Variants in ABCC12 observed in about 807,000 individuals in gnomAD.
ABCC12 encodes ATP-binding cassette sub-family C member 12.
A neutral mutation model predicts 151.1 loss-of-function variants in ABCC12; 142 were observed. That is an observed-to-expected ratio of 0.94 (90% confidence interval 0.82 to 1.08). The LOEUF is 1.08. Among genes scored for constraint, ABCC12 ranks in the 50% least tolerant of loss-of-function variants. ABCC12 has a pLI of 0.00. For synonymous variants in ABCC12, 645 were observed against 646.4 expected (o/e 1.00, Z 0.03); for missense variants, 1,638 against 1,691.1 (o/e 0.97, Z 0.55).
chr16:48,128,211 C>A (rs1230017904), intron 11 of ABCC12, among the ~76,000 whole-genome samples: 1 of 152,192 alleles, frequency 6.6e-6, no homozygotes, highest in African/African-American at 2.4e-5. Context: ...TTCAAAACTG[C>A]AACTGACTCT....
chr16:48,087,845 C>T, intron 27 of ABCC12, 81 bp downstream of exon 27: 1 of 1,464,054 alleles, frequency 6.8e-7, no homozygotes. Context: ...GCCAGCCATG[C>T]CCTGGGGACA....
At position 48,155,951 on chromosome 16, in the gene ABCC12, C is replaced by A; in HGVS notation, c.-430G>T. Reference sequence around the variant, plus strand: ...TGCTTCTCCCCAAGGACCTCAGATTCAGTTTCTCTTGTCCCACCCGCCTGA... The same window carrying A: ...TGCTTCTCCCCAAGGACCTCAGATTAAGTTTCTCTTGTCCCACCCGCCTGA... On this transcript the variant is annotated 5_prime_UTR_variant, in exon 1 of 31. Coordinates refer to ENST00000311303, the MANE Select transcript of ABCC12 (RefSeq NM_001393797.1). 1 of 152,502 alleles carries A rather than the reference C, an allele frequency of 6.6e-6. No homozygotes were observed. 9.4% of individuals were successfully genotyped at this position (152,502 alleles called of 1,614,324 possible).
At position 48,140,684 on chromosome 16, in the gene ABCC12, T is replaced by C; in HGVS notation, c.657+3A>G. 1 of 1,613,626 alleles carries C rather than the reference T, an allele frequency of 6.2e-7. No individual in the cohort carries two copies. ...AACATTAAACTCCTCTGAGCCAGCT[T>C]ACCTCGCCAACAGAGATGTGGGTCA... On this transcript the variant is annotated splice_donor_region_variant and intron_variant, in intron 6 of 30. Coordinates refer to ENST00000311303, the MANE Select transcript of ABCC12 (RefSeq NM_001393797.1).
chr16:48,098,867 G>A (rs960305235), intron 23 of ABCC12, among the ~76,000 whole-genome samples: 2 of 152,198 alleles, frequency 1.3e-5, no homozygotes. Flanking sequence ...TGGAGTAGAA[G>A]CTGTGGGAAG....
chr16:48,144,215 T>C (rs1443706400), intron 3 of ABCC12, 150 bp from the exon 4 acceptor site: 1 of 1,060,166 alleles, frequency 9.4e-7, no homozygotes, highest in Non-Finnish European at 1.3e-6. Context: ...CTTTGAGCAG[T>C]GATGTGCTGG....
intron 2 of ABCC12, among the ~76,000 whole-genome samples, chr16:48,150,262 G>A (rs1168806093): frequency 6.6e-6 from 1 of 152,188 alleles, no homozygotes; most frequent in Non-Finnish European, 1.5e-5. Flanking sequence ...ACAATCCACA[G>A]AGGATGGAAT....
rs1964805979 is a variant in ABCC12 at position 48,141,317 on chromosome 16, C to T, written c.312G>A (p.Val104=). The T allele has an allele frequency of 6.2e-7, 1 of 1,614,124 alleles. No individual in the cohort carries two copies. The highest frequency in any genetic ancestry group is 1.3e-5 in the African/African-American group (1 of 74,932). ...GGCTCAGAGAGGCCTTCTCAGGACC[C>T]ACCCTTGCTACCTCTTCATCCCAAA... ...RVLWDEEVAR[V]GPEKASLSHV... is the part of the protein sequence containing the mutation. The change falls in exon 5 of 31, where the codon GTG becomes GTA. Residue 104 remains valine (V), a synonymous_variant. Coordinates refer to ENST00000311303, the MANE Select transcript of ABCC12 (RefSeq NM_001393797.1).
rs777338427 is a variant in ABCC12 at position 48,140,715 on chromosome 16, T to C, written c.629A>G (p.Lys210Arg). The change falls in exon 6 of 31, where the codon AAG becomes AGG. Residue 210 changes from lysine to arginine, a missense_variant. Transcript: ENST00000311303. ...TLVFENLVSFKTLTHISVGEV... is the reference protein window; with the variant it reads ...TLVFENLVSFRTLTHISVGEV... ...GCCAACAGAGATGTGGGTCAATGTC[T>C]TGAAGGACACTAGGTTTTCAAAAAC... 20 of 1,614,048 alleles carry C rather than the reference T, an allele frequency of 1.2e-5. No homozygotes were observed. The highest frequency in any genetic ancestry group is 1.6e-5 in the Non-Finnish European group (19 of 1,180,042).
At chr16:48,110,851 C>T (rs1324378170) in intron 18 of ABCC12, among the ~76,000 whole-genome samples, 1 of 152,210 alleles carries the variant, frequency 6.6e-6, no homozygotes, top group Middle Eastern at 3.2e-3. Flanking sequence ...CCCTCCAGAC[C>T]ACAAGATCCT....
chr16:48,108,493 T>TG lies in ABCC12; in HGVS notation c.2317dup (p.Gln773ProfsTer15), dbSNP rs868446631. ...TGTTTTCCAGGTCACGGTTCCTTCC[T>TG]GGGGGGATTCAGTCTGGATGAGCTG... On this transcript the variant is annotated frameshift_variant, in exon 19 of 31. Transcript: ENST00000311303. LOFTEE classifies it high-confidence loss of function. 1 of 1,614,166 alleles carries TG rather than the reference T, an allele frequency of 6.2e-7. No homozygotes were observed. Among genetic ancestry groups the TG allele is most frequent in the Non-Finnish European group, 8.5e-7 (1 of 1,180,036 alleles).
chr16:48,145,214 A>G (rs1245978463), intron 3 of ABCC12, among the ~76,000 whole-genome samples: 1 of 152,182 alleles, frequency 6.6e-6, no homozygotes, highest in African/African-American at 2.4e-5. Flanking sequence ...GCCCAGACAG[A>G]GATGCTGGGA....
At chr16:48,115,683 CT>C in intron 14 of ABCC12, 65 bp from the exon 15 acceptor site, 2 of 1,478,488 alleles carry the variant, frequency 1.4e-6, no homozygotes, top group Non-Finnish European at 1.8e-6. Context: ...GCAATGGAAG[CT>C]TCCTGGAGCT....
intron 11 of ABCC12, among the ~76,000 whole-genome samples, chr16:48,126,117 G>T (rs1409700468): frequency 6.6e-6 from 1 of 152,194 alleles, no homozygotes; most frequent in Admixed American, 6.5e-5. Flanking sequence ...TATTCCATAT[G>T]TCAGTGACTC....
At chr16:48,096,197 T>C (rs1467623815) in intron 24 of ABCC12, among the ~76,000 whole-genome samples, 2 of 152,250 alleles carry the variant, frequency 1.3e-5, no homozygotes, top group Non-Finnish European at 2.9e-5. Flanking sequence ...TAATTATTTG[T>C]CATCAATATT....
chr16:48,100,940 G>A lies in ABCC12; in HGVS notation c.2970C>T (p.His990=). The part of the protein sequence containing the change: ...ENVSRSPWFT[H]ITSSMQGLGI... ...CCAGGCCCTGCATGGAGGAGGTGAT[G>A]TGGGTGAACCAGGGTGACCGGCTGA... Residue 990 remains histidine, a synonymous_variant, in exon 23 of 31, where the codon CAC becomes CAT. Coordinates refer to ENST00000311303, the MANE Select transcript of ABCC12 (RefSeq NM_001393797.1). 3 of 1,614,252 alleles carry A rather than the reference G, an allele frequency of 1.9e-6. No individual in the cohort carries two copies. Among genetic ancestry groups the A allele is most frequent in the Non-Finnish European group, 2.5e-6 (3 of 1,180,042 alleles).
At chr16:48,139,123 C>A (rs1164606855) in intron 7 of ABCC12, 40 bp downstream of exon 7, 1 of 1,537,338 alleles carries the variant, frequency 6.5e-7, no homozygotes, top group East Asian at 2.3e-5. Context: ...GTGTGAAATG[C>A]AAATACAAAG....
chr16:48,092,550 GGCT>G (rs1436763801), intron 24 of ABCC12, among the ~76,000 whole-genome samples: 5 of 152,344 alleles, frequency 3.3e-5, no homozygotes, highest in Admixed American at 6.5e-5. Flanking sequence ...TCACCAAGTG[GGCT>G]AGAGGCAGGG....
Position 48,115,654 on chromosome 16 carries a change from C to T in ABCC12, c.1786-36G>A, listed in dbSNP as rs1008869116. The T allele has an allele frequency of 4.4e-6, 7 of 1,582,396 alleles. No individual in the cohort carries two copies. The African/African-American group carries it at 6.7e-5, about 15-fold the overall frequency. On this transcript the variant is annotated intron_variant, in intron 14 of 30. Transcript: ENST00000311303. Reference sequence around the variant, plus strand: ...GGACAATGCTACTGCCCATTGTCAGCCCACCCTGAAGTTCTTGGGCAATGG... The same window carrying T: ...GGACAATGCTACTGCCCATTGTCAGTCCACCCTGAAGTTCTTGGGCAATGG...
Position 48,139,144 on chromosome 16 carries a change from C to A in ABCC12, c.831+19G>T. ...AATGCAAATACAAAGCAGTTAGAAG[C>A]GCAAAAGCCTGCCGTTACCTGGACG... On this transcript the variant is annotated intron_variant, in intron 7 of 30. Coordinates refer to ENST00000311303, the MANE Select transcript of ABCC12 (RefSeq NM_001393797.1). 1 of 1,567,456 alleles carries A rather than the reference C, an allele frequency of 6.4e-7. No homozygotes were observed.
Sources: allele counts gnomAD v4.1 joint callset (sites outside exome capture counted in the v4.1 genomes callset), GRCh38; gene constraint gnomAD v4.1.1; transcripts MANE v1.5; gene names NCBI Gene and HGNC (gene_info 2026-07-23, HGNC 2026-07-21).